Variants in PLPP4 observed in about 807,000 individuals in gnomAD.
PLPP4 encodes the protein phospholipid phosphatase 4.
PLPP4 carries 20 observed loss-of-function variants against 32.2 expected under a neutral mutation model. The observed-to-expected ratio is 0.62, with a 90% confidence interval of 0.44 to 0.90. The LOEUF (loss-of-function observed/expected upper bound fraction) is 0.90, where lower values mean the gene tolerates loss of function less well. Ranked by LOEUF, PLPP4 falls within the 40% of genes least tolerant of loss-of-function variation. The pLI is 0.00. For synonymous variants in PLPP4, 127 were observed against 133.0 expected, an observed-to-expected ratio of 0.95 and a Z score of 0.31; for missense variants, 257 against 353.1, an observed-to-expected ratio of 0.73 and a Z score of 2.18.
In PLPP4 at chr10:120,589,607, T is replaced by C. The variant is rs1029906978; in HGVS notation, c.*105T>C. The C allele has an allele frequency of 4.6e-6, 4 of 879,084 alleles. No individual in the cohort carries two copies. Among genetic ancestry groups the C allele is most frequent in the African/African-American group, 3.4e-5 (2 of 59,562 alleles). 54.5% of individuals were successfully genotyped at this position (879,084 alleles called of 1,614,324 possible). A position where few individuals can be genotyped will look rare whatever the true frequency, so the allele number is the denominator to read the frequency against. ...TGTAGTGTATTTTTCATCAGTTGTT[T>C]CTCAAAGTCATCGTACTTCTGCTTC... On this transcript the variant is annotated 3_prime_UTR_variant, in exon 7 of 7. Transcript: ENST00000398250.
chr10:120,533,835 G>C (rs918401879), intron 5 of PLPP4, among the ~76,000 whole-genome samples: 1 of 151,880 alleles, frequency 6.6e-6, no homozygotes, highest in South Asian at 2.1e-4. Context: ...CTGTGGATTC[G>C]AGTTACCATC....
intron 1 of PLPP4, among the ~76,000 whole-genome samples, chr10:120,486,696 T>C (rs1217022212): frequency 6.6e-6 from 1 of 152,242 alleles, no homozygotes; most frequent in Non-Finnish European, 1.5e-5. Context: ...CCATTGCTTA[T>C]TGGCTTCCTT....
intron 5 of PLPP4, among the ~76,000 whole-genome samples, chr10:120,545,623 A>G (rs1033202114): frequency 6.6e-6 from 1 of 152,178 alleles, no homozygotes; most frequent in Non-Finnish European, 1.5e-5. Context: ...GCTCAGCAGA[A>G]GTGGGGTCCT....
chr10:120,521,388 A>G (rs1479547527), intron 5 of PLPP4, among the ~76,000 whole-genome samples: 6 of 152,130 alleles, frequency 3.9e-5, no homozygotes. Flanking sequence ...GGAATTCTCT[A>G]CGCTCCCTGG....
intron 1 of PLPP4, among the ~76,000 whole-genome samples, chr10:120,493,723 A>G (rs922868509): frequency 2.0e-5 from 3 of 152,140 alleles, no homozygotes; most frequent in Admixed American, 1.3e-4. Context: ...ATTGTCTCTT[A>G]TACACGTTCT....
At chr10:120,524,828 A>G (rs1287312519) in intron 5 of PLPP4, among the ~76,000 whole-genome samples, 3 of 152,228 alleles carry the variant, frequency 2.0e-5, no homozygotes, top group Admixed American at 6.5e-5. Context: ...GTACCTTCCC[A>G]TAGTGCTTAA....
intron 1 of PLPP4, among the ~76,000 whole-genome samples, chr10:120,469,251 A>G (rs10788093): frequency 1.1e-4 from 2 of 18,712 alleles, no homozygotes; most frequent in Non-Finnish European, 5.4e-4. Flanking sequence ...TTTTTGAGAC[A>G]GAGTCTTGCT....
At chr10:120,560,022 TG>T (rs1280316990) in intron 5 of PLPP4, among the ~76,000 whole-genome samples, 16 of 152,358 alleles carry the variant, frequency 1.1e-4, no homozygotes, top group Non-Finnish European at 1.6e-4. Flanking sequence ...AAACACCGTG[TG>T]GCGCTGATCA....
intron 6 of PLPP4, among the ~76,000 whole-genome samples, chr10:120,575,777 C>T (rs538806445): frequency 2.0e-4 from 31 of 152,292 alleles, no homozygotes; most frequent in African/African-American, 7.2e-4. Flanking sequence ...AGCTGCAAGC[C>T]TGGGGTGAGG....
intron 6 of PLPP4, among the ~76,000 whole-genome samples, chr10:120,579,324 T>G (rs12770897): frequency 0.011 from 1,666 of 152,310 alleles, 12 homozygotes; most frequent in Middle Eastern, 0.082. Context: ...TCTCAAAGAA[T>G]GAAACATTCA....
intron 1 of PLPP4, among the ~76,000 whole-genome samples, chr10:120,488,076 A>G (rs953210553): frequency 6.6e-6 from 1 of 152,190 alleles, no homozygotes; most frequent in Non-Finnish European, 1.5e-5. Flanking sequence ...CCATGTCCCA[A>G]GATGGCCTTG....
At chr10:120,586,512 C>G (rs758872296) in intron 6 of PLPP4, among the ~76,000 whole-genome samples, 1 of 152,144 alleles carries the variant, frequency 6.6e-6, no homozygotes, top group Non-Finnish European at 1.5e-5. Flanking sequence ...TCCTGGAACA[C>G]TTACATAACA....
At chr10:120,545,131 G>A (rs1230344389) in intron 5 of PLPP4, among the ~76,000 whole-genome samples, 1 of 152,230 alleles carries the variant, frequency 6.6e-6, no homozygotes, top group African/African-American at 2.4e-5. Flanking sequence ...TGGCACTGTG[G>A]CAGACACAAG....
chr10:120,488,271 T>G (rs900476559), intron 1 of PLPP4, among the ~76,000 whole-genome samples: 4 of 152,224 alleles, frequency 2.6e-5, no homozygotes, highest in African/African-American at 7.2e-5. Context: ...TTAAAACAGT[T>G]CTGCCATGTG....
At chr10:120,502,787 G>T (rs1294683288) in intron 1 of PLPP4, among the ~76,000 whole-genome samples, 1 of 152,162 alleles carries the variant, frequency 6.6e-6, no homozygotes, top group Non-Finnish European at 1.5e-5. Context: ...TGGGATATAG[G>T]ACTTTTGGTG....
intron 5 of PLPP4, among the ~76,000 whole-genome samples, chr10:120,555,946 C>G (rs569564392): frequency 3.9e-4 from 59 of 152,272 alleles, no homozygotes; most frequent in African/African-American, 1.4e-3. Context: ...TAGGTGTGCT[C>G]ACTCCCTTTA....
chr10:120,559,953 A>C (rs1415074044), intron 5 of PLPP4, among the ~76,000 whole-genome samples: 4 of 152,200 alleles, frequency 2.6e-5, no homozygotes, highest in Non-Finnish European at 4.4e-5. Flanking sequence ...TTCTGTGGTA[A>C]TTTTATAGCC....
intron 5 of PLPP4, among the ~76,000 whole-genome samples, chr10:120,529,727 A>T (rs1479310580): frequency 6.6e-6 from 1 of 152,174 alleles, no homozygotes; most frequent in African/African-American, 2.4e-5. Context: ...CTTCGCTGAG[A>T]TCTATTGAAA....
At chr10:120,549,334 A>G (rs984281711) in intron 5 of PLPP4, among the ~76,000 whole-genome samples, 2 of 151,208 alleles carry the variant, frequency 1.3e-5, no homozygotes, top group Non-Finnish European at 3.0e-5. Context: ...CAAAATGGAT[A>G]CTAGATGAAG....
Sources: allele counts gnomAD v4.1 joint callset (sites outside exome capture counted in the v4.1 genomes callset), GRCh38; gene constraint gnomAD v4.1.1; transcripts MANE v1.5; gene names NCBI Gene and HGNC (gene_info 2026-07-23, HGNC 2026-07-21).